The following UBA3 variants were observed in gnomAD, a reference collection of about 807,000 sequenced individuals.
UBA3 encodes the protein NEDD8-activating enzyme E1 catalytic subunit.
UBA3 carries 26 observed loss-of-function variants against 73.5 expected under a neutral mutation model. The observed-to-expected ratio is 0.35, with a 90% CI of 0.26 to 0.49. The LOEUF (loss-of-function observed/expected upper bound fraction) is 0.49. Ranked by LOEUF, UBA3 falls within the 20% of genes least tolerant of loss-of-function variation. The pLI, the probability that UBA3 is intolerant of heterozygous loss-of-function variation, is 0.98. For missense variants in UBA3, 495 were observed against 555.6 expected, an observed-to-expected ratio of 0.89 and a Z score of 1.10; for synonymous variants, 217 against 191.2, an observed-to-expected ratio of 1.13 and a Z score of -1.11.
At chr3:69,060,790 T>C (rs570574848) in intron 11 of UBA3, among the ~76,000 whole-genome samples, 7 of 152,288 alleles carry the variant, frequency 4.6e-5, no homozygotes, top group Non-Finnish European at 8.8e-5. Flanking sequence ...CCCTGTGATA[T>C]TAAGTTCACG....
chr3:69,077,967 C>A, intron 2 of UBA3, 49 bp from the exon 3 acceptor site: 10 of 1,603,726 alleles, frequency 6.2e-6, no homozygotes, highest in Non-Finnish European at 8.5e-6. Context: ...ATGAAAAAAA[C>A]CACACCTACA....
At chr3:69,075,587 T>C (rs1033286348) in intron 3 of UBA3, 77 bp from the exon 4 acceptor site, 7 of 809,014 alleles carry the variant, frequency 8.7e-6, no homozygotes, top group East Asian at 3.3e-5. Flanking sequence ...AACTTTAAAA[T>C]AGTTTCTGAT....
chr3:69,056,002 G>A lies in UBA3; in HGVS notation c.1246C>T (p.Gln416Ter), dbSNP rs1229077729. The change falls in exon 16 of 18, where the codon CAG becomes TAG. Residue 416 changes from glutamine to a stop codon, truncating the protein, a stop_gained and splice_region_variant. Coordinates refer to ENST00000361055, the MANE Select transcript of UBA3 (RefSeq NM_003968.4). LOFTEE classifies it high-confidence loss of function. ...LEGKNRTLYL[Q>*]SVTSIEERTR... Reference sequence around the variant, plus strand: ...AATTTAAAATACACATTGATAACCTGTAAGTAAAGTGTTCTATTTTTTCCC... The same window carrying A: ...AATTTAAAATACACATTGATAACCTATAAGTAAAGTGTTCTATTTTTTCCC... The A allele has an allele frequency of 6.2e-7, 1 of 1,605,088 alleles. No individual in the cohort carries two copies. Among genetic ancestry groups the A allele is most frequent in the Non-Finnish European group, 8.5e-7 (1 of 1,177,214 alleles).
rs2092027938 is a variant in UBA3, at chr3:69,062,232, T to C, written c.694-53A>G. On this transcript the variant is annotated intron_variant, in intron 9 of 17. Transcript: ENST00000361055. ...GAATTTTAAACGAATTATTTTAAAA[T>C]GCAACTTCCAGTTATGATCTAGTTC... 4.2e-6 allele frequency: 5 copies of C among 1,195,608 alleles called. No homozygotes were observed. In the South Asian group the frequency reaches 4.9e-5, roughly 12 times the overall value. The allele number at this position is 1,195,608 out of a possible 1,614,324, so 74.1% of individuals were successfully genotyped here. A position where few individuals can be genotyped will look rare whatever the true frequency, so the allele number is the denominator to read the frequency against.
At chr3:69,057,156 A>G in intron 12 of UBA3, 100 bp downstream of exon 12, 1 of 1,228,824 alleles carries the variant, frequency 8.1e-7, no homozygotes, top group Non-Finnish European at 1.2e-6. Flanking sequence ...TACACAACCC[A>G]TCCAAGAAGA....
chr3:69,070,308 A>G (rs2092110987), intron 5 of UBA3, among the ~76,000 whole-genome samples: 1 of 152,238 alleles, frequency 6.6e-6, no homozygotes, highest in Admixed American at 6.5e-5. Flanking sequence ...TCACACTGCA[A>G]TTACAACACT....
Position 69,056,045 on chromosome 3 carries a change from G to A in UBA3, c.1203C>T (p.Ala401=). Residue 401 remains alanine, a synonymous_variant, in exon 16 of 18, where the codon GCC becomes GCT. Coordinates refer to ENST00000361055, the MANE Select transcript of UBA3 (RefSeq NM_003968.4). The part of the protein sequence containing the change: ...NSASLQMKSP[A]ITATLEGKNR... ...TTTTTCCCTCTAGGGTGGCTGTGATGGCTGGAGATTTCATTTGCCTAAAGA... is the reference window on the plus strand; with the variant it reads ...TTTTTCCCTCTAGGGTGGCTGTGATAGCTGGAGATTTCATTTGCCTAAAGA... 6.2e-7 allele frequency: 1 copy of A among 1,603,994 alleles called. No individual in the cohort carries two copies. The highest frequency in any genetic ancestry group is 1.1e-5 in the South Asian group (1 of 88,376).
intron 3 of UBA3, among the ~76,000 whole-genome samples, chr3:69,076,943 A>G (rs888015821): frequency 1.3e-5 from 2 of 151,898 alleles, no homozygotes; most frequent in Admixed American, 6.6e-5. Flanking sequence ...ATGAGATAAC[A>G]CGAAAACATA....
chr3:69,077,763 A>G (rs749369014), intron 3 of UBA3, 35 bp downstream of exon 3: 2 of 1,587,702 alleles, frequency 1.3e-6, no homozygotes, highest in South Asian at 2.3e-5. Context: ...ACATAAAACT[A>G]TTAGAGCAGT....
In UBA3 at chr3:69,068,521, T is replaced by A. The variant is rs191774431; in HGVS notation, c.348-513A>T. 5.2e-3 allele frequency among the ~76,000 whole-genome samples: 766 copies of A among 148,636 alleles called. 18 individuals carry two copies. The highest frequency in any genetic ancestry group is 0.041 in the Admixed American group (611 of 14,902). On this transcript the variant is annotated intron_variant, in intron 5 of 17. Transcript: ENST00000361055. The stretch of plus-strand genomic sequence containing the variant: ...AAAAGAAAAAAAAAGAAAAAAAAAA[T>A]TTCACTGGACCGTATATAAAATGGA...
At chr3:69,062,685 A>G (rs1193759493) in intron 9 of UBA3, among the ~76,000 whole-genome samples, 2 of 152,210 alleles carry the variant, frequency 1.3e-5, no homozygotes, top group Admixed American at 1.3e-4. Context: ...ATACAGGTGA[A>G]AACCACATAG....
At chr3:69,079,471 G>A (rs966077827) in intron 2 of UBA3, among the ~76,000 whole-genome samples, 5 of 152,184 alleles carry the variant, frequency 3.3e-5, no homozygotes, top group Non-Finnish European at 7.3e-5. Context: ...AGGGAGGGGA[G>A]TAAATTATGT....
In UBA3 at chr3:69,064,216, G is replaced by A. The variant is rs779354560; in HGVS notation, c.429-105C>T. 182 of 847,408 alleles carry A rather than the reference G, an allele frequency of 2.1e-4. 1 individual carries two copies. The highest frequency in any genetic ancestry group is 3.1e-4 in the Non-Finnish European group (176 of 563,144). The allele number at this position is 847,408 out of a possible 1,614,324, so 52.5% of individuals were successfully genotyped here. On this transcript the variant is annotated intron_variant, in intron 6 of 17. Coordinates refer to ENST00000361055, the MANE Select transcript of UBA3 (RefSeq NM_003968.4). Reference sequence around the variant, plus strand: ...TGCATATATTTACAACAAGAAATAAGTAATCAATGTTCACATCAGTGGAAT... The same window carrying A: ...TGCATATATTTACAACAAGAAATAAATAATCAATGTTCACATCAGTGGAAT...
At chr3:69,073,399 A>G (rs1278761271) in intron 4 of UBA3, among the ~76,000 whole-genome samples, 7 of 152,326 alleles carry the variant, frequency 4.6e-5, no homozygotes, top group Admixed American at 4.6e-4. Flanking sequence ...CTTCCTACAG[A>G]TAACTGTATG....
Position 69,077,875 on chromosome 3 carries a change from C to A in UBA3, c.106G>T (p.Gly36Cys), listed in dbSNP as rs1214803286. Residue 36 changes from glycine (G) to cysteine (C), a missense_variant, in exon 3 of 18, where the codon GGT becomes TGT. Coordinates refer to ENST00000361055, the MANE Select transcript of UBA3 (RefSeq NM_003968.4). ...GGCGDTGDWE[G>C]RWNHVKKFLE... ...AACTTCTTTACATGGTTCCAGCGAC[C>A]TTCCCAGTCTCCAGTGTCCCCACAC... The A allele has an allele frequency of 6.2e-7, 1 of 1,614,068 alleles. No homozygotes were observed. Among genetic ancestry groups the A allele is most frequent in the Admixed American group, 1.7e-5 (1 of 60,008 alleles).
chr3:69,077,953 C>G (rs754300498), intron 2 of UBA3, 35 bp from the exon 3 acceptor site: 2 of 1,606,758 alleles, frequency 1.2e-6, no homozygotes, highest in Admixed American at 1.7e-5. Context: ...CTGCAAAGAT[C>G]AGTATGAAAA....
chr3:69,065,825 T>TA (rs2092065676), intron 6 of UBA3, among the ~76,000 whole-genome samples: 1 of 152,168 alleles, frequency 6.6e-6, no homozygotes, highest in African/African-American at 2.4e-5. Context: ...TTTTTTTTTT[T>TA]AGTCTAATAG....
At chr3:69,057,416 C>T (rs2091983693) in intron 11 of UBA3, 107 bp from the exon 12 acceptor site, 2 of 1,013,420 alleles carry the variant, frequency 2.0e-6, no homozygotes, top group Non-Finnish European at 2.9e-6. Flanking sequence ...CTTGATTTTT[C>T]AGACTTTCAA....
intron 5 of UBA3, among the ~76,000 whole-genome samples, chr3:69,070,173 T>G (rs924955496): frequency 2.6e-4 from 39 of 152,214 alleles, no homozygotes; most frequent in African/African-American, 9.4e-4. Flanking sequence ...GGTATCTTTT[T>G]CAGAGAATTC....
Sources: gnomAD v4.1 joint callset for allele counts (sites outside exome capture counted in the v4.1 genomes callset) on GRCh38, gnomAD v4.1.1 for gene constraint, MANE v1.5 for transcripts, NCBI Gene and HGNC (gene_info 2026-07-23, HGNC 2026-07-21) for gene names.